The following PRDM1 variants were observed in gnomAD, a reference collection of about 807,000 sequenced individuals.
PRDM1 encodes the protein PR/SET domain 1.
PRDM1 carries 13 observed loss-of-function variants against 62.8 expected under a neutral mutation model. The ratio of observed to expected loss-of-function variants is 0.21; its 90% CI spans 0.13 to 0.33. The LOEUF (loss-of-function observed/expected upper bound fraction) is 0.33. PRDM1 is among the 10% of genes least tolerant of loss of function. PRDM1 has a pLI of 1.00. For synonymous variants in PRDM1, 396 were observed against 417.6 expected (o/e 0.95, Z 0.63); for missense variants, 895 against 1,058.8 (o/e 0.85, Z 2.15).
intron 1 of PRDM1, among the ~76,000 whole-genome samples, chr6:106,010,391 A>C (rs1772531487): frequency 6.6e-6 from 1 of 152,222 alleles, no homozygotes; most frequent in Non-Finnish European, 1.5e-5. Context: ...GCATTTATTT[A>C]TTAGGAGGTG....
rs1773805961 is a variant in PRDM1 at position 106,086,401 on chromosome 6, C to T, written c.-153C>T. 3 of 623,632 alleles carry T rather than the reference C, an allele frequency of 4.8e-6. No individual in the cohort carries two copies. The highest frequency in any genetic ancestry group is 5.6e-6 in the Non-Finnish European group (2 of 354,780). The allele number at this position is 623,632 out of a possible 1,614,324, so 38.6% of individuals were successfully genotyped here. A position where few individuals can be genotyped will look rare whatever the true frequency, so the allele number is the denominator to read the frequency against. ...GTTGCGGAGAGGCAAGAGCAGCGAC[C>T]GCGGCACCTGTCCGCCCGGAGCTGG... On this transcript the variant is annotated 5_prime_UTR_variant, in exon 1 of 7. Coordinates refer to ENST00000369096, the MANE Select transcript of PRDM1 (RefSeq NM_001198.4).
rs1310169094 is a variant in PRDM1, at chr6:106,109,896, G to C, written c.*2410G>C. On this transcript the variant is annotated 3_prime_UTR_variant, in exon 7 of 7. Transcript: ENST00000369096. ...TTACAATGTTATTTATGTGCAAATT[G>C]TCAAAATGTAAATTAAATATAAATG... 2 of 229,396 alleles carry C rather than the reference G, an allele frequency of 8.7e-6. No individual in the cohort carries two copies. The highest frequency in any genetic ancestry group is 1.2e-4 in the East Asian group (2 of 16,058). 14.2% of individuals were successfully genotyped at this position (229,396 alleles called of 1,614,324 possible).
At chr6:106,016,175 A>C (rs1443780968) in intron 1 of PRDM1, among the ~76,000 whole-genome samples, 2 of 152,204 alleles carry the variant, frequency 1.3e-5, no homozygotes, top group Non-Finnish European at 2.9e-5. Flanking sequence ...TATGTGGTTG[A>C]ATAATATCCC....
At chr6:106,102,649 G>T (rs536528265) in intron 4 of PRDM1, among the ~76,000 whole-genome samples, 1 of 152,250 alleles carries the variant, frequency 6.6e-6, no homozygotes, top group East Asian at 1.9e-4. Context: ...AAATGTGAGG[G>T]GCAGTGCCAC....
intron 1 of PRDM1, among the ~76,000 whole-genome samples, chr6:106,005,490 G>A (rs992160077): frequency 6.6e-6 from 1 of 152,194 alleles, no homozygotes. Context: ...ATCAGGTTTA[G>A]ATTTTCTGTT....
At chr6:106,095,095 CAT>C (rs1426361764) in intron 2 of PRDM1, among the ~76,000 whole-genome samples, 1 of 148,938 alleles carries the variant, frequency 6.7e-6, no homozygotes, top group Non-Finnish European at 1.5e-5. Context: ...ATGAAAAAAA[CAT>C]AATGCATTTG....
At chr6:105,996,644 G>T (rs957019581) in intron 1 of PRDM1, among the ~76,000 whole-genome samples, 3 of 152,184 alleles carry the variant, frequency 2.0e-5, no homozygotes, top group South Asian at 4.1e-4. Context: ...ACAAGCTGCA[G>T]CCTCTGTGCA....
chr6:106,037,211 G>A (rs1772934669), intron 1 of PRDM1, among the ~76,000 whole-genome samples: 1 of 152,078 alleles, frequency 6.6e-6, no homozygotes, highest in South Asian at 2.1e-4. Context: ...CTAGTACATT[G>A]AATATACTAG....
At chr6:106,098,979 AG>A in intron 3 of PRDM1, 2 of 1,566,800 alleles carry the variant, frequency 1.3e-6, no homozygotes, top group South Asian at 2.3e-5. Flanking sequence ...CAGTAGCAAA[AG>A]TAGTACTCTG....
At position 106,107,121 on chromosome 6, in the gene PRDM1, C is replaced by T. The variant is rs1190911457; in HGVS notation, c.2113C>T (p.His705Tyr). The change falls in exon 7 of 7, where the codon CAC becomes TAC. Residue 705 changes from histidine (H) to tyrosine (Y), a missense_variant. Physicochemically the swap from His to Tyr is moderately conservative, Grantham distance 83. This residue lies in a region of PRDM1 where 164 missense variants were observed against 179.9 expected (regional missense o/e 0.91). Transcript: ENST00000369096. Reference sequence around the variant, plus strand: ...CATCCATCTCTGTAGCCTCAAGGTTCACCTGAAAGGGAACTGCGCTGCGGC... The same window carrying T: ...CATCCATCTCTGTAGCCTCAAGGTTTACCTGAAAGGGAACTGCGCTGCGGC... ...NYIHLCSLKV[H>Y]LKGNCAAAPA... The T allele has an allele frequency of 6.2e-7, 1 of 1,614,202 alleles. No individual in the cohort carries two copies. The highest frequency in any genetic ancestry group is 1.7e-5 in the Admixed American group (1 of 60,030).
At chr6:106,051,377 C>A (rs974303655) in intron 1 of PRDM1, among the ~76,000 whole-genome samples, 2 of 152,232 alleles carry the variant, frequency 1.3e-5, no homozygotes, top group Admixed American at 1.3e-4. Context: ...GAGGCCTCTT[C>A]CCCAAACTAG....
chr6:106,105,325 T>C lies in PRDM1; in HGVS notation c.1165T>C (p.Tyr389His), dbSNP rs1297181071. ...ASYGTEGLGS[Y>H]PGYAPLPHLP... ...CTACGGCACGGAAGGTTTGGGCTCCTACCCTGGCTACGCACCCCTGCCCCA... is the reference window on the plus strand; with the variant it reads ...CTACGGCACGGAAGGTTTGGGCTCCCACCCTGGCTACGCACCCCTGCCCCA... Residue 389 changes from tyrosine to histidine, a missense_variant, in exon 5 of 7, where the codon TAC becomes CAC. By Grantham distance (83) the Tyr-to-His change is moderately conservative. Around this residue, in one of 4 missense-constraint regions of PRDM1, gnomAD observed 444 missense variants for 422.7 expected, o/e 1.05. Transcript: ENST00000369096. 1 of 1,612,914 alleles carries C rather than the reference T, an allele frequency of 6.2e-7. No individual in the cohort carries two copies. The highest frequency in any genetic ancestry group is 1.7e-5 in the Admixed American group (1 of 59,970).
At chr6:106,028,918 CTTT>C (rs756143283) in intron 1 of PRDM1, among the ~76,000 whole-genome samples, 3 of 124,290 alleles carry the variant, frequency 2.4e-5, no homozygotes, top group Admixed American at 8.2e-5. Context: ...TTCTTTCCTT[CTTT>C]TTTTTTTTTT....
intron 1 of PRDM1, among the ~76,000 whole-genome samples, chr6:106,036,889 C>G (rs1162850393): frequency 6.6e-6 from 1 of 152,162 alleles, no homozygotes; most frequent in African/African-American, 2.4e-5. Context: ...TCATAGCTCA[C>G]TGCAGCCTCA....
intron 1 of PRDM1, among the ~76,000 whole-genome samples, chr6:106,034,636 T>TC (rs59288552): frequency 0.045 from 195 of 4,330 alleles, 4 homozygotes; most frequent in African/African-American, 0.15. Context: ...GTTCTCTCTC[T>TC]TTTTTTTTTT....
At chr6:106,045,341 A>T (rs1175623456), upstream of PRDM1, 2 of 151,838 alleles carry the variant, frequency 1.3e-5, no homozygotes, top group Admixed American at 6.6e-5. Context: ...TTTCCTTGAG[A>T]TATGTGGTAA....
chr6:106,106,029 A>G lies in PRDM1; in HGVS notation c.1773+96A>G. On this transcript the variant is annotated intron_variant, in intron 5 of 6. Coordinates refer to ENST00000369096, the MANE Select transcript of PRDM1 (RefSeq NM_001198.4). This position sits in a 1 kb window ranked among gnomAD's most constrained non-coding sequence, Gnocchi z 4.4. ...ATGGGGTATCGATTGCATTTGCAGT[A>G]GTATGAGCCCCCGGTTGGGGATAGT... The G allele has an allele frequency of 1.3e-6, 2 of 1,492,532 alleles. No individual in the cohort carries two copies. The highest frequency in any genetic ancestry group is 1.8e-6 in the Non-Finnish European group (2 of 1,117,546). The allele number at this position is 1,492,532 out of a possible 1,614,324, so 92.5% of individuals were successfully genotyped here. A position where few individuals can be genotyped will look rare whatever the true frequency, so the allele number is the denominator to read the frequency against.
At chr6:106,018,618 G>A (rs2114556660) in intron 1 of PRDM1, among the ~76,000 whole-genome samples, 1 of 152,180 alleles carries the variant, frequency 6.6e-6, no homozygotes, top group African/African-American at 2.4e-5. Flanking sequence ...GCAGTGGGCA[G>A]CTCTATTTTA....
At chr6:105,998,206 C>T (rs1486629738) in intron 1 of PRDM1, among the ~76,000 whole-genome samples, 2 of 152,034 alleles carry the variant, frequency 1.3e-5, no homozygotes, top group Admixed American at 6.5e-5. Context: ...CTGGGTCCAT[C>T]GAGCTGAAAG....
Sources: gnomAD v4.1 joint callset for allele counts (sites outside exome capture counted in the v4.1 genomes callset) on GRCh38, gnomAD v4.1.1 for gene constraint, gnomAD v4.1.1 regional missense constraint, Gnocchi (gnomAD v3.1) non-coding constraint, MANE v1.5 for transcripts, NCBI Gene and HGNC (gene_info 2026-07-23, HGNC 2026-07-21) for gene names.